The following CLSTN2 variants were observed in gnomAD, a reference collection of about 807,000 sequenced individuals.
CLSTN2 encodes the protein calsyntenin-2.
A neutral mutation model predicts 101.2 loss-of-function variants in CLSTN2; 48 were observed. The observed-to-expected ratio is 0.47, with a 90% CI of 0.38 to 0.60. The LOEUF is 0.60. Ranked by LOEUF, CLSTN2 falls within the 20% of genes least tolerant of loss-of-function variation. CLSTN2 has a pLI of 0.00. For missense variants in CLSTN2, 1,160 were observed against 1,238.2 expected (o/e 0.94, Z 0.95); for synonymous variants, 481 against 463.6 (o/e 1.04, Z -0.48).
intron 4 of CLSTN2, among the ~76,000 whole-genome samples, chr3:140,408,068 A>C (rs2088324570): frequency 2.6e-5 from 4 of 152,206 alleles, no homozygotes; most frequent in African/African-American, 9.6e-5. Context: ...TCAGGAGTCC[A>C]GTTGAGAAGA....
At chr3:140,549,347 G>A (rs1049549982) in intron 10 of CLSTN2, among the ~76,000 whole-genome samples, 1 of 151,382 alleles carries the variant, frequency 6.6e-6, no homozygotes, top group African/African-American at 2.4e-5. Flanking sequence ...AAAATAAGTG[G>A]CACAAAAAAC....
chr3:140,427,701 C>T (rs2088587627), intron 5 of CLSTN2, among the ~76,000 whole-genome samples: 1 of 152,048 alleles, frequency 6.6e-6, no homozygotes, highest in South Asian at 2.1e-4. Context: ...TGTGGGGATC[C>T]CAGTATGCAC....
rs2107796607 is a variant in CLSTN2, at chr3:140,566,885, C to A, written c.*632C>A. ...TTGCTTCTTTCTGAGGCCATATAAG[C>A]TTATAAGAAAAGTCCCAAACCAAGA... On this transcript the variant is annotated 3_prime_UTR_variant, in exon 17 of 17. Transcript: ENST00000458420. 1 of 152,948 alleles carries A rather than the reference C, an allele frequency of 6.5e-6. No individual in the cohort carries two copies. Among genetic ancestry groups the A allele is most frequent in the East Asian group, 1.9e-4 (1 of 5,172 alleles). 9.5% of individuals were successfully genotyped at this position (152,948 alleles called of 1,614,324 possible).
chr3:140,150,514 C>T (rs1057496777), intron 1 of CLSTN2, among the ~76,000 whole-genome samples: 18 of 152,094 alleles, frequency 1.2e-4, no homozygotes, highest in African/African-American at 3.6e-4. Flanking sequence ...AATTGTCAAC[C>T]CTCTCAGGCA....
At chr3:140,171,617 T>A (rs1466300371) in intron 1 of CLSTN2, among the ~76,000 whole-genome samples, 1 of 131,990 alleles carries the variant, frequency 7.6e-6, no homozygotes, top group Non-Finnish European at 1.5e-5. Flanking sequence ...GCATTATATA[T>A]TATATAATAT....
chr3:140,540,787 C>A (rs1054317183), intron 9 of CLSTN2, among the ~76,000 whole-genome samples: 1 of 152,126 alleles, frequency 6.6e-6, no homozygotes, highest in African/African-American at 2.4e-5. Flanking sequence ...CATATTTTTA[C>A]CTCAAAATAG....
At chr3:140,348,079 A>T (rs887561857) in intron 2 of CLSTN2, among the ~76,000 whole-genome samples, 1 of 152,136 alleles carries the variant, frequency 6.6e-6, no homozygotes, top group African/African-American at 2.4e-5. Context: ...TGTTAGCTCT[A>T]CCTCCTAGAC....
chr3:140,478,266 C>T (rs1934030303), intron 8 of CLSTN2, among the ~76,000 whole-genome samples: 2 of 148,958 alleles, frequency 1.3e-5, no homozygotes, highest in South Asian at 4.2e-4. Flanking sequence ...GGTTCCCAAA[C>T]AGTGGTCCCT....
chr3:140,243,034 T>C (rs1313086794), intron 2 of CLSTN2, among the ~76,000 whole-genome samples: 1 of 152,218 alleles, frequency 6.6e-6, no homozygotes, highest in Non-Finnish European at 1.5e-5. Flanking sequence ...CTGCAGCCCA[T>C]AGCACATTTC....
In CLSTN2 at chr3:140,559,165, G is replaced by GAA. The variant is rs376876525; in HGVS notation, c.2041+320_2041+321dup. The stretch of plus-strand genomic sequence containing the variant: ...ACATAGAATGATCTCAACCATTTAA[G>GAA]AAAAAAAAAAAAACACAGAAAAATG... On this transcript the variant is annotated intron_variant, in intron 12 of 16. Coordinates refer to ENST00000458420, the MANE Select transcript of CLSTN2 (RefSeq NM_022131.3). Among the ~76,000 whole-genome samples the GAA allele has an allele frequency of 3.0e-3, 394 of 132,724 alleles. 1 individual carries two copies. Among genetic ancestry groups the GAA allele is most frequent in the African/African-American group, 9.0e-3 (328 of 36,246 alleles). 87.1% of individuals were successfully genotyped at this position (132,724 alleles called of 152,430 possible). A position where few individuals can be genotyped will look rare whatever the true frequency, so the allele number is the denominator to read the frequency against.
chr3:140,205,696 C>T (rs1229096254), intron 2 of CLSTN2, among the ~76,000 whole-genome samples: 1 of 147,684 alleles, frequency 6.8e-6, no homozygotes, highest in Admixed American at 7.0e-5. Flanking sequence ...ATGAGCTCAT[C>T]AGTCAAAACA....
At chr3:140,225,569 C>T (rs1385859543) in intron 2 of CLSTN2, among the ~76,000 whole-genome samples, 1 of 152,164 alleles carries the variant, frequency 6.6e-6, no homozygotes, top group Non-Finnish European at 1.5e-5. Flanking sequence ...GCGATATCGG[C>T]TCACTGCAAC....
intron 1 of CLSTN2, among the ~76,000 whole-genome samples, chr3:140,121,772 A>G (rs1366806534): frequency 6.6e-6 from 1 of 152,146 alleles, no homozygotes; most frequent in Non-Finnish European, 1.5e-5. Context: ...GCTTGGTGAG[A>G]GGGAGCACAT....
chr3:140,204,770 T>A (rs1270617498), intron 2 of CLSTN2, among the ~76,000 whole-genome samples: 3 of 152,164 alleles, frequency 2.0e-5, no homozygotes, highest in African/African-American at 7.2e-5. Context: ...TTGAGGTCCT[T>A]GCCATTGCCT....
In CLSTN2 at chr3:140,278,062, G is replaced by C. The variant is rs1417063409; in HGVS notation, c.232+101989G>C. On this transcript the variant is annotated intron_variant, in intron 2 of 16. Coordinates refer to ENST00000458420, the MANE Select transcript of CLSTN2 (RefSeq NM_022131.3). ...ACTGAAGACCTAGCTGCCCCCTGAA[G>C]TGTCACAGGCCCGCAGAATCAGTGT... Among the ~76,000 whole-genome samples, 3 of 152,180 alleles carry C rather than the reference G, an allele frequency of 2.0e-5. No homozygotes were observed. The East Asian group carries it at 5.8e-4, about 29-fold the overall frequency.
At chr3:140,520,483 A>G (rs754272810) in intron 8 of CLSTN2, among the ~76,000 whole-genome samples, 19 of 152,178 alleles carry the variant, frequency 1.2e-4, no homozygotes, top group Non-Finnish European at 2.2e-4. Context: ...AAACTATCAG[A>G]TCTCATGAGA....
At chr3:140,429,808 A>C (rs1171090905) in intron 5 of CLSTN2, among the ~76,000 whole-genome samples, 1 of 152,172 alleles carries the variant, frequency 6.6e-6, no homozygotes, top group Non-Finnish European at 1.5e-5. Flanking sequence ...AGTGGGCATC[A>C]AGGTTAGATT....
intron 1 of CLSTN2, among the ~76,000 whole-genome samples, chr3:140,051,100 C>T (rs554112390): frequency 2.3e-4 from 35 of 152,356 alleles, no homozygotes; most frequent in African/African-American, 7.9e-4. Context: ...CCCTGCCCAT[C>T]CTTGGGGCCT....
chr3:140,278,657 A>G (rs2086817115), intron 2 of CLSTN2, among the ~76,000 whole-genome samples: 2 of 152,218 alleles, frequency 1.3e-5, no homozygotes, highest in African/African-American at 4.8e-5. Context: ...TGACTGGAAT[A>G]AACTAAAGCA....
Sources: allele counts gnomAD v4.1 joint callset (sites outside exome capture counted in the v4.1 genomes callset), GRCh38; gene constraint gnomAD v4.1.1; transcripts MANE v1.5; gene names NCBI Gene and HGNC (gene_info 2026-07-23, HGNC 2026-07-21).